The following PSG9 variants were observed in gnomAD, a reference collection of about 807,000 sequenced individuals.
PSG9 encodes the protein pregnancy-specific beta-1-glycoprotein 9.
A neutral mutation model predicts 41.9 loss-of-function variants in PSG9; 49 were observed. The ratio of observed to expected loss-of-function variants is 1.17; its 90% CI spans 0.93 to 1.48. The LOEUF is 1.48. Among genes scored for constraint, PSG9 ranks in the 40% most tolerant of loss-of-function variants. The pLI is 0.00. For synonymous variants in PSG9, 263 were observed against 196.8 expected (o/e 1.34, Z -2.82); for missense variants, 641 against 520.3 (o/e 1.23, Z -2.26).
Position 43,253,588 on chromosome 19 carries a change from TCA to T in PSG9, c.*19_*20del. On this transcript the variant is annotated 3_prime_UTR_variant, in exon 6 of 6. Coordinates refer to ENST00000270077, the MANE Select transcript of PSG9 (RefSeq NM_002784.5). ...TGAAGGTATCAGCCTGTTCTTTTTC[TCA>T]GTGTCTCAGTTGTTGCAGTCATGAC... 1 of 762,690 alleles carries T rather than the reference TCA, an allele frequency of 1.3e-6. No homozygotes were observed. The highest frequency in any genetic ancestry group is 1.9e-5 in the African/African-American group (1 of 53,762). 47.2% of individuals were successfully genotyped at this position (762,690 alleles called of 1,614,324 possible).
intron 2 of PSG9, 146 bp from the exon 3 acceptor site, chr19:43,262,284 T>G: frequency 6.9e-7 from 1 of 1,457,662 alleles, no homozygotes; most frequent in Non-Finnish European, 9.2e-7. Context: ...ACAAGACAGA[T>G]GCATGGCAAT....
At position 43,261,864 on chromosome 19, in the gene PSG9, G is replaced by C. The variant is rs769919331; in HGVS notation, c.705C>G (p.Leu235=). 1 of 1,614,078 alleles carries C rather than the reference G, an allele frequency of 6.2e-7. No homozygotes were observed. The highest frequency in any genetic ancestry group is 8.5e-7 in the Non-Finnish European group (1 of 1,179,932). ...ASRSDPVTLN[L]LPKLPIPYIT... The stretch of plus-strand genomic sequence containing the variant: ...AGAGGAACAGAAGATACTCACGGAG[G>C]AGATTCAGGGTGACTGGGTCACTGC... Residue 235 remains leucine, a synonymous_variant, in exon 3 of 6, where the codon CTC becomes CTG. Coordinates refer to ENST00000270077, the MANE Select transcript of PSG9 (RefSeq NM_002784.5).
At chr19:43,262,195 G>A (rs1320639445) in intron 2 of PSG9, 57 bp from the exon 3 acceptor site, 4 of 1,570,738 alleles carry the variant, frequency 2.5e-6, no homozygotes, top group Admixed American at 1.8e-5. Context: ...TCCTCCAAAG[G>A]CATTTTTCAG....
chr19:43,254,823 G>C (rs1231112877), intron 5 of PSG9, among the ~76,000 whole-genome samples: 1 of 145,724 alleles, frequency 6.9e-6, no homozygotes, highest in East Asian at 2.4e-4. Flanking sequence ...AGCATGGTGG[G>C]TCATGTTTTA....
chr19:43,262,008 G>A lies in PSG9; in HGVS notation c.561C>T (p.Leu187=), dbSNP rs1968742161. Reference sequence around the variant, plus strand: ...ACAGCTGCAACCTGTGAGTCACAGGGAGGCTCTGACCATTCATCCACCATA... The same window carrying A: ...ACAGCTGCAACCTGTGAGTCACAGGAAGGCTCTGACCATTCATCCACCATA... The part of the protein sequence containing the change: ...SYLWWMNGQS[L]PVTHRLQLSK... Residue 187 remains leucine (L), a synonymous_variant, in exon 3 of 6, where the codon CTC becomes CTT. Coordinates refer to ENST00000270077, the MANE Select transcript of PSG9 (RefSeq NM_002784.5). 1 of 1,614,044 alleles carries A rather than the reference G, an allele frequency of 6.2e-7. No individual in the cohort carries two copies. The highest frequency in any genetic ancestry group is 1.3e-5 in the African/African-American group (1 of 75,036).
chr19:43,268,367 C>G (rs755112874), intron 1 of PSG9, among the ~76,000 whole-genome samples: 45 of 152,126 alleles, frequency 3.0e-4, no homozygotes, highest in Admixed American at 5.9e-4. Context: ...GCAGCATGAC[C>G]CCCATTCCTT....
At chr19:43,256,468 A>T (rs1340034848) in intron 5 of PSG9, among the ~76,000 whole-genome samples, 3 of 147,014 alleles carry the variant, frequency 2.0e-5, no homozygotes, top group Non-Finnish European at 3.0e-5. Context: ...TCCAGAATAC[A>T]TGAAAAGCTA....
At chr19:43,258,562 A>C in intron 4 of PSG9, 106 bp from the exon 5 acceptor site, 1 of 1,427,990 alleles carries the variant, frequency 7.0e-7, no homozygotes, top group Non-Finnish European at 9.2e-7. Flanking sequence ...CACACCCTCA[A>C]GTCCCAGCCA....
At chr19:43,259,293 T>A in intron 3 of PSG9, 158 bp from the exon 4 acceptor site, 1 of 1,311,670 alleles carries the variant, frequency 7.6e-7, no homozygotes, top group Admixed American at 2.5e-5. Context: ...CATGATGATC[T>A]AAGGGCTCAA....
intron 2 of PSG9, among the ~76,000 whole-genome samples, chr19:43,266,461 G>T (rs1376250302): frequency 6.6e-6 from 1 of 152,040 alleles, no homozygotes. Flanking sequence ...GCCTGTGCTG[G>T]TGTAGGGTGT....
chr19:43,262,714 C>A lies in PSG9; in HGVS notation c.431-576G>T, dbSNP rs553031079. On this transcript the variant is annotated intron_variant, in intron 2 of 5. Transcript: ENST00000270077. The stretch of plus-strand genomic sequence containing the variant: ...TCAGTTAAGACATCAGGCAGTGGAG[C>A]CACAAGGTGGGGCAGTTTGCAGTTT... Among the ~76,000 whole-genome samples the A allele has an allele frequency of 4.6e-5, 7 of 152,240 alleles. No individual in the cohort carries two copies. In the South Asian group the frequency reaches 8.3e-4, roughly 18 times the overall value.
Position 43,258,429 on chromosome 19 carries a change from G to A in PSG9, c.1016C>T (p.Pro339Leu), listed in dbSNP as rs1011981509. ...TCCTGAACGGTAATAGGTGAATGAA[G>A]GGTAAATTCTGGGGAGGTCTGGACC... ...LYGPDLPRIY[P>L]SFTYYRSGEN... is the part of the protein sequence containing the mutation. The change falls in exon 5 of 6, where the codon CCT (proline) becomes CTT (leucine). Residue 339 changes from proline to leucine, a missense_variant. Transcript: ENST00000270077. 6.3e-7 allele frequency: 1 copy of A among 1,584,074 alleles called. No homozygotes were observed. The highest frequency in any genetic ancestry group is 1.4e-5 in the African/African-American group (1 of 70,326).
chr19:43,266,064 A>G (rs1271688884), intron 2 of PSG9, among the ~76,000 whole-genome samples: 1 of 151,850 alleles, frequency 6.6e-6, no homozygotes, highest in Non-Finnish European at 1.5e-5. Context: ...CTTGCCAGTC[A>G]GAATGAAGTG....
rs149119608 is a variant in PSG9, at chr19:43,268,570, A to G, written c.65-421T>C. Among the ~76,000 whole-genome samples the G allele has an allele frequency of 2.0e-5, 3 of 152,154 alleles. No individual in the cohort carries two copies. The East Asian group carries it at 5.8e-4, about 29-fold the overall frequency. ...CTCTGCTCCCTCCAGGGTTCTTGTCAACACCTGATCTCACATTCTACATCT... is the reference window on the plus strand; with the variant it reads ...CTCTGCTCCCTCCAGGGTTCTTGTCGACACCTGATCTCACATTCTACATCT... On this transcript the variant is annotated intron_variant, in intron 1 of 5. Transcript: ENST00000270077.
intron 5 of PSG9, chr19:43,257,344 T>C: frequency 3.2e-6 from 3 of 947,746 alleles, no homozygotes; most frequent in Middle Eastern, 1.1e-3. Flanking sequence ...TAGATATATA[T>C]AAAGTGTCTG....
chr19:43,262,079 C>T lies in PSG9; in HGVS notation c.490G>A (p.Ala164Thr), dbSNP rs1463155465. 1.2e-5 allele frequency: 19 copies of T among 1,613,858 alleles called. No homozygotes were observed. Among genetic ancestry groups the T allele is most frequent in the East Asian group, 2.2e-5 (1 of 44,888 alleles). ...TCAGGATCACAGATTAAGCGCACAG[C>T]CTCCATGGCCTCCCTGGGGTTTAAG... The part of the protein sequence containing the change: ...SNLNPREAME[A>T]VRLICDPETL... Residue 164 changes from alanine (A) to threonine (T), a missense_variant, in exon 3 of 6, where the codon GCT becomes ACT. Transcript: ENST00000270077.
rs564067413 is a variant in PSG9, at chr19:43,260,602, G to T, written c.709+1258C>A. The T allele has an allele frequency of 9.6e-5, 14 of 146,544 alleles. 1 individual carries two copies. Among genetic ancestry groups the T allele is most frequent in the African/African-American group, 3.4e-4 (13 of 38,568 alleles). The allele number at this position is 146,544 out of a possible 1,614,324, so 9.1% of individuals were successfully genotyped here. A position where few individuals can be genotyped will look rare whatever the true frequency, so the allele number is the denominator to read the frequency against. ...TTTAAAGCTTTGGGATGTGAGAAAG[G>T]CTGATTGCTATTTTCTTTGTCATCA... On this transcript the variant is annotated intron_variant, in intron 3 of 5. Transcript: ENST00000270077.
At chr19:43,253,720 A>T in intron 5 of PSG9, 74 bp from the exon 6 acceptor site, 1 of 908,338 alleles carries the variant, frequency 1.1e-6, no homozygotes, top group Non-Finnish European at 1.7e-6. Context: ...TCTTTCCTAC[A>T]GGCTCCCAGG....
In PSG9 at chr19:43,259,001, C is replaced by T. The variant is rs146667177; in HGVS notation, c.844G>A (p.Val282Ile). 27 of 1,590,514 alleles carry T rather than the reference C, an allele frequency of 1.7e-5. 4 individuals are homozygous for T. Among genetic ancestry groups the T allele is most frequent in the African/African-American group, 8.5e-5 (6 of 70,516 alleles). The change falls in exon 4 of 6, where the codon GTC (valine) becomes ATC (isoleucine). Residue 282 changes from valine (V) to isoleucine (I), a missense_variant. Physicochemically the swap from Val to Ile is conservative, Grantham distance 29 (BLOSUM62 3). Coordinates refer to ENST00000270077, the MANE Select transcript of PSG9 (RefSeq NM_002784.5). ...ATGGGTCGCTTTACCCCGGGACTGA[C>T]GGGGAGGCTCTGACCGTTTAGCCAC... ...IWWLNGQSLP[V>I]SPGVKRPIEN...
Sources: allele counts gnomAD v4.1 joint callset (sites outside exome capture counted in the v4.1 genomes callset), GRCh38; gene constraint gnomAD v4.1.1; transcripts MANE v1.5; gene names NCBI Gene and HGNC (gene_info 2026-07-23, HGNC 2026-07-21).